Variants in EXOC6B observed in about 807,000 individuals in gnomAD.
The protein encoded by EXOC6B is SEC15 homolog B.
Under a neutral mutation model 113.5 loss-of-function variants are expected in EXOC6B, and 54 were observed. The observed-to-expected ratio is 0.48, with a 90% CI of 0.38 to 0.60. The LOEUF is 0.60. Among genes scored for constraint, EXOC6B ranks in the 20% least tolerant of loss-of-function variants. EXOC6B has a pLI of 0.00. For synonymous variants in EXOC6B, 357 were observed against 339.0 expected (o/e 1.05, Z -0.58); for missense variants, 797 against 977.5 (o/e 0.82, Z 2.46).
rs575507229 is a variant in EXOC6B at position 72,265,853 on chromosome 2, G to A, written c.2196+69094C>T. Among the ~76,000 whole-genome samples the A allele has an allele frequency of 2.3e-3, 355 of 152,214 alleles. 7 individuals are homozygous for A. The South Asian group carries it at 0.038, about 16-fold the overall frequency. On this transcript the variant is annotated intron_variant, in intron 20 of 21. Transcript: ENST00000272427. ...CACTGTCTTCCACAATGGTTGAACC[G>A]GTTTACAGTCCCAGCAACAGTGTAA... is the stretch of plus-strand genomic sequence containing the variant.
chr2:72,224,235 C>A (rs180825111), intron 20 of EXOC6B, among the ~76,000 whole-genome samples: 16 of 152,254 alleles, frequency 1.1e-4, no homozygotes, highest in Admixed American at 4.6e-4. Context: ...AATATTAACT[C>A]CTCTGCAAGG....
rs1573298387 is a variant in EXOC6B at position 72,513,250 on chromosome 2, A to C, written c.1049T>G (p.Phe350Cys). 2 of 1,612,568 alleles carry C rather than the reference A, an allele frequency of 1.2e-6. No individual in the cohort carries two copies. Among genetic ancestry groups the C allele is most frequent in the Non-Finnish European group, 1.7e-6 (2 of 1,179,048 alleles). ...YRKYFNQIVG[F>C]FVVEDHILHT... ...TAAAATGTGATCTTCAACCACAAAA[A>C]AGCTAAGATTGAGGAAAAAAGAAAG... The change falls in exon 11 of 22, where the codon TTT becomes TGT. Residue 350 changes from phenylalanine to cysteine, a missense_variant and splice_region_variant. Physicochemically the swap from Phe to Cys is radical, Grantham distance 205 (BLOSUM62 -2). Coordinates refer to ENST00000272427, the MANE Select transcript of EXOC6B (RefSeq NM_015189.3).
At chr2:72,407,176 A>T (rs1693836422) in intron 18 of EXOC6B, among the ~76,000 whole-genome samples, 1 of 152,194 alleles carries the variant, frequency 6.6e-6, no homozygotes, top group Admixed American at 6.5e-5. Context: ...AAGAAGTTGA[A>T]TCTCTGAATA....
intron 6 of EXOC6B, among the ~76,000 whole-genome samples, chr2:72,595,674 AGAAGT>A (rs1670037898): frequency 6.6e-6 from 1 of 152,054 alleles, no homozygotes; most frequent in Non-Finnish European, 1.5e-5. Context: ...CATAAAGGAG[AGAAGT>A]GACACAAATT....
At chr2:72,324,553 C>T (rs1688021917) in intron 20 of EXOC6B, among the ~76,000 whole-genome samples, 3 of 152,038 alleles carry the variant, frequency 2.0e-5, no homozygotes, top group Non-Finnish European at 2.9e-5. Flanking sequence ...AAATGCTTAC[C>T]GAATCATAAG....
chr2:72,656,743 C>T (rs1387287336), intron 6 of EXOC6B, among the ~76,000 whole-genome samples: 1 of 152,154 alleles, frequency 6.6e-6, no homozygotes, highest in Non-Finnish European at 1.5e-5. Context: ...CTACTACTAT[C>T]AGTTGATATA....
intron 20 of EXOC6B, among the ~76,000 whole-genome samples, chr2:72,214,463 C>T (rs1680387737): frequency 6.7e-6 from 1 of 149,406 alleles, no homozygotes; most frequent in South Asian, 2.1e-4. Context: ...TGCACTCTGG[C>T]CTGGGCGACT....
At chr2:72,270,223 C>A (rs182725658) in intron 20 of EXOC6B, among the ~76,000 whole-genome samples, 1 of 152,186 alleles carries the variant, frequency 6.6e-6, no homozygotes, top group African/African-American at 2.4e-5. Flanking sequence ...GCTGCTAAAA[C>A]CCCTGGGTGG....
intron 20 of EXOC6B, among the ~76,000 whole-genome samples, chr2:72,196,887 C>T (rs1679208354): frequency 6.6e-6 from 1 of 152,268 alleles, no homozygotes; most frequent in Non-Finnish European, 1.5e-5. Flanking sequence ...AAAGTGTTCA[C>T]CAGCATGCTA....
chr2:72,523,511 G>C (rs942344011), intron 8 of EXOC6B, among the ~76,000 whole-genome samples: 1 of 152,142 alleles, frequency 6.6e-6, no homozygotes, highest in Non-Finnish European at 1.5e-5. Context: ...GGGCGCGGTG[G>C]CTCACGCCTG....
chr2:72,228,536 A>G (rs935634483), intron 20 of EXOC6B, among the ~76,000 whole-genome samples: 16 of 150,730 alleles, frequency 1.1e-4, no homozygotes, highest in African/African-American at 3.2e-4. Context: ...TTTCCTTGCG[A>G]TAGTTTGCTG....
chr2:72,705,389 T>C (rs1197521790), intron 6 of EXOC6B, among the ~76,000 whole-genome samples: 1 of 152,172 alleles, frequency 6.6e-6, no homozygotes, highest in African/African-American at 2.4e-5. Flanking sequence ...GGGAAAAAAC[T>C]GGAAGCATTC....
intron 8 of EXOC6B, among the ~76,000 whole-genome samples, chr2:72,521,535 C>G (rs529227663): frequency 6.6e-6 from 1 of 152,160 alleles, no homozygotes; most frequent in Non-Finnish European, 1.5e-5. Flanking sequence ...AGCTAGATTT[C>G]TCAATCCAGT....
chr2:72,540,001 C>T (rs375418737), intron 8 of EXOC6B, among the ~76,000 whole-genome samples: 53 of 139,616 alleles, frequency 3.8e-4, no homozygotes, highest in African/African-American at 1.2e-3. Flanking sequence ...CCTGTGTCCA[C>T]GTGTTCTCAT....
At chr2:72,377,769 C>G (rs1691440833) in intron 19 of EXOC6B, among the ~76,000 whole-genome samples, 1 of 152,064 alleles carries the variant, frequency 6.6e-6, no homozygotes, top group Non-Finnish European at 1.5e-5. Flanking sequence ...TGCAAGAGAT[C>G]TATTATACAA....
intron 19 of EXOC6B, among the ~76,000 whole-genome samples, chr2:72,338,322 C>G (rs1267675371): frequency 6.6e-6 from 1 of 152,092 alleles, no homozygotes; most frequent in Non-Finnish European, 1.5e-5. Flanking sequence ...ATGAATTTCT[C>G]TGCACAGAAG....
intron 8 of EXOC6B, among the ~76,000 whole-genome samples, chr2:72,541,470 T>C (rs1336534172): frequency 6.6e-6 from 1 of 152,174 alleles, no homozygotes; most frequent in Non-Finnish European, 1.5e-5. Flanking sequence ...CTCTTGGTAA[T>C]TAAGTGCATT....
chr2:72,490,191 C>T (rs2105533117), intron 16 of EXOC6B, among the ~76,000 whole-genome samples: 1 of 152,158 alleles, frequency 6.6e-6, no homozygotes, highest in Admixed American at 6.5e-5. Context: ...ATATGGAAGG[C>T]AGTACAATAC....
At chr2:72,529,656 T>A (rs1240576360) in intron 8 of EXOC6B, among the ~76,000 whole-genome samples, 1 of 152,188 alleles carries the variant, frequency 6.6e-6, no homozygotes, top group Non-Finnish European at 1.5e-5. Context: ...AGAGATGGGA[T>A]CTCACTATGT....
Sources: allele counts gnomAD v4.1 joint callset (sites outside exome capture counted in the v4.1 genomes callset), GRCh38; gene constraint gnomAD v4.1.1; transcripts MANE v1.5; gene names NCBI Gene and HGNC (gene_info 2026-07-23, HGNC 2026-07-21).